WSCD2: variants seen among roughly 807,000 people sequenced by gnomAD.
WSCD2 encodes the protein sialate:O-sulfotransferase 2.
In WSCD2, 28 loss-of-function variants were observed where a neutral mutation model predicts 55.7. The ratio of observed to expected loss-of-function variants is 0.50; its 90% CI spans 0.37 to 0.69. The LOEUF (loss-of-function observed/expected upper bound fraction) is 0.69. Among genes scored for constraint, WSCD2 ranks in the 30% least tolerant of loss-of-function variants. The pLI is 0.00. For synonymous variants in WSCD2, 301 were observed against 301.9 expected (o/e 1.00, Z 0.03); for missense variants, 616 against 762.1 (o/e 0.81, Z 2.26).
In WSCD2 at chr12:108,195,984, A is replaced by G. The variant is rs1420360661; in HGVS notation, c.152A>G (p.Asn51Ser). Reference sequence around the variant, plus strand: ...CCCGCTGTCTCGGGGAACCAGGCGAACCCCGCTGCTGCAGGAGGCCCAGCT... The same window carrying G: ...CCCGCTGTCTCGGGGAACCAGGCGAGCCCCGCTGCTGCAGGAGGCCCAGCT... ...GQPAVSGNQA[N>S]PAAAGGPAEG... Residue 51 changes from asparagine to serine, a missense_variant, in exon 2 of 9, where the codon AAC (asparagine) becomes AGC (serine). Physicochemically the swap from Asn to Ser is conservative, Grantham distance 46. Transcript: ENST00000547525. The G allele has an allele frequency of 6.2e-7, 1 of 1,613,972 alleles. No homozygotes were observed. The highest frequency in any genetic ancestry group is 8.5e-7 in the Non-Finnish European group (1 of 1,179,982).
rs751049061 is a variant in WSCD2, at chr12:108,195,870, G to A, written c.38G>A (p.Arg13His). 3.0e-5 allele frequency: 48 copies of A among 1,613,704 alleles called. No homozygotes were observed. Among genetic ancestry groups the A allele is most frequent in the East Asian group, 1.3e-4 (6 of 44,876 alleles). ...KLWFKFQRYF[R>H]RKPVRFFTFL... Reference sequence around the variant, plus strand: ...TGGTTCAAATTCCAGCGGTACTTCCGCCGGAAACCTGTGCGCTTCTTTACC... The same window carrying A: ...TGGTTCAAATTCCAGCGGTACTTCCACCGGAAACCTGTGCGCTTCTTTACC... Residue 13 changes from arginine to histidine, a missense_variant, in exon 2 of 9, where the codon CGC becomes CAC. Physicochemically the swap from Arg to His is conservative, Grantham distance 29. Coordinates refer to ENST00000547525, the MANE Select transcript of WSCD2 (RefSeq NM_014653.4).
intron 2 of WSCD2, among the ~76,000 whole-genome samples, chr12:108,198,078 C>G (rs2137056406): frequency 6.6e-6 from 1 of 151,594 alleles, no homozygotes; most frequent in East Asian, 1.9e-4. Context: ...AACCACAATC[C>G]CCGACTCTAT....
chr12:108,156,444 A>T (rs1565922312), intron 1 of WSCD2, among the ~76,000 whole-genome samples: 1 of 152,340 alleles, frequency 6.6e-6, no homozygotes, highest in Admixed American at 6.5e-5. Context: ...TAGGGTCTTC[A>T]TAGGTCTTCA....
intron 4 of WSCD2, among the ~76,000 whole-genome samples, chr12:108,215,920 C>T (rs1438729604): frequency 6.6e-6 from 1 of 152,200 alleles, no homozygotes; most frequent in East Asian, 1.9e-4. Flanking sequence ...TTGCTTCTTG[C>T]TAGTAAAAAG....
intron 1 of WSCD2, among the ~76,000 whole-genome samples, chr12:108,151,574 G>A (rs1878006798): frequency 6.6e-6 from 1 of 152,174 alleles, no homozygotes; most frequent in African/African-American, 2.4e-5. Context: ...ATGTTCAGAG[G>A]GGAAGGGACT....
intron 1 of WSCD2, among the ~76,000 whole-genome samples, chr12:108,194,910 AC>A (rs1397683595): frequency 6.6e-5 from 10 of 152,188 alleles, no homozygotes; most frequent in African/African-American, 1.2e-4. Context: ...TTCAGCAAGG[AC>A]CTTGAAAGTA....
intron 2 of WSCD2, 25 bp from the exon 3 acceptor site, chr12:108,206,264 C>A: frequency 1.2e-6 from 2 of 1,606,212 alleles, no homozygotes; most frequent in Non-Finnish European, 1.7e-6. Context: ...CCCCAGCCAC[C>A]TTTGACGTTT....
At chr12:108,150,392 G>A (rs1877853330) in intron 1 of WSCD2, among the ~76,000 whole-genome samples, 1 of 152,178 alleles carries the variant, frequency 6.6e-6, no homozygotes, top group Non-Finnish European at 1.5e-5. Context: ...ACGAGAACAT[G>A]GAGGAGGGAG....
At chr12:108,141,792 C>T (rs1876846954) in intron 1 of WSCD2, among the ~76,000 whole-genome samples, 1 of 152,188 alleles carries the variant, frequency 6.6e-6, no homozygotes, top group African/African-American at 2.4e-5. Flanking sequence ...GGAATGTCCT[C>T]AGGGCCTTGT....
intron 1 of WSCD2, among the ~76,000 whole-genome samples, chr12:108,180,051 A>C (rs12161784): frequency 2.9e-4 from 3 of 10,250 alleles, no homozygotes; most frequent in Non-Finnish European, 8.8e-4. Context: ...TCAAAAAAAC[A>C]AAAAAAAAAA....
chr12:108,163,516 A>G (rs1361263447), intron 1 of WSCD2, among the ~76,000 whole-genome samples: 2 of 152,246 alleles, frequency 1.3e-5, no homozygotes, highest in African/African-American at 2.4e-5. Context: ...TACCTTAAGC[A>G]TGGTAAGAGG....
In WSCD2 at chr12:108,164,138, CCTTTT is replaced by C. The variant is rs1371093857; in HGVS notation, c.-551-31143_-551-31139del. 4.2e-4 allele frequency among the ~76,000 whole-genome samples: 30 copies of C among 71,740 alleles called. 8 individuals carry two copies. The East Asian group carries it at 7.1e-3, about 17-fold the overall frequency. 47.1% of individuals were successfully genotyped at this position (71,740 alleles called of 152,430 possible). On this transcript the variant is annotated intron_variant, in intron 1 of 8. Transcript: ENST00000547525. ...TTTATACTGTTGTTTAATCTTAAAT[CCTTTT>C]TTTTTTTTTTTTTTTTTTTCAGAGA...
intron 1 of WSCD2, among the ~76,000 whole-genome samples, chr12:108,136,473 C>T (rs1876227759): frequency 6.6e-6 from 1 of 152,120 alleles, no homozygotes; most frequent in African/African-American, 2.4e-5. Flanking sequence ...CCAAGGTGGC[C>T]CTGCAGGACC....
chr12:108,235,387 G>A (rs892221380), intron 7 of WSCD2, among the ~76,000 whole-genome samples: 3 of 152,008 alleles, frequency 2.0e-5, no homozygotes, highest in Non-Finnish European at 2.9e-5. Context: ...ACACACAGGC[G>A]GCATCTCAGA....
At chr12:108,190,727 A>T (rs983763997) in intron 1 of WSCD2, among the ~76,000 whole-genome samples, 5 of 152,126 alleles carry the variant, frequency 3.3e-5, no homozygotes, top group African/African-American at 1.2e-4. Flanking sequence ...GCAGTAACCA[A>T]ATGCTGCCAC....
chr12:108,194,655 G>A (rs1015126241), intron 1 of WSCD2, among the ~76,000 whole-genome samples: 1 of 152,198 alleles, frequency 6.6e-6, no homozygotes, highest in Non-Finnish European at 1.5e-5. Context: ...CAAATATGCT[G>A]CTAAATAACC....
At chr12:108,183,028 G>A (rs1314975195) in intron 1 of WSCD2, among the ~76,000 whole-genome samples, 1 of 151,802 alleles carries the variant, frequency 6.6e-6, no homozygotes, top group African/African-American at 2.4e-5. Flanking sequence ...CACAGGCAGT[G>A]TTCTGGTTCT....
At chr12:108,217,662 A>G (rs1887003470) in intron 4 of WSCD2, among the ~76,000 whole-genome samples, 1 of 152,176 alleles carries the variant, frequency 6.6e-6, no homozygotes, top group Non-Finnish European at 1.5e-5. Context: ...AAAGTAAAAT[A>G]GGCCAGACTT....
chr12:108,237,823 T>A (rs958932736), intron 7 of WSCD2, among the ~76,000 whole-genome samples: 4 of 152,244 alleles, frequency 2.6e-5, no homozygotes, highest in African/African-American at 9.6e-5. Flanking sequence ...TTAATCTTGA[T>A]AAATACTGTG....
Sources: gnomAD v4.1 joint callset for allele counts (sites outside exome capture counted in the v4.1 genomes callset) on GRCh38, gnomAD v4.1.1 for gene constraint, MANE v1.5 for transcripts, NCBI Gene and HGNC (gene_info 2026-07-23, HGNC 2026-07-21) for gene names.